DBR1: variants seen among roughly 807,000 people sequenced by gnomAD.
The protein encoded by DBR1 is debranching RNA lariats 1.
In DBR1, 33 loss-of-function variants were observed where a neutral mutation model predicts 45.9. The observed-to-expected ratio is 0.72, with a 90% CI of 0.55 to 0.96. The LOEUF (loss-of-function observed/expected upper bound fraction) is 0.96. Ranked by LOEUF, DBR1 falls within the 40% of genes least tolerant of loss-of-function variation. The pLI is 0.00. For synonymous variants in DBR1, 235 were observed against 235.9 expected, an observed-to-expected ratio of 1.00 and a Z score of 0.04; for missense variants, 619 against 667.4, an observed-to-expected ratio of 0.93 and a Z score of 0.80.
rs772970047 is a variant in DBR1, at chr3:138,171,690, G to A, written c.346C>T (p.Arg116Ter). ...YLGLAGVVKYRGVRIGGISGI... is the reference protein window; with the variant it reads ...YLGLAGVVKY ...GAGATTCCACCGATCCTTACACCTC[G>A]GTATTTTACCACACCAGCCAAACCT... Residue 116 changes from arginine (R) to a stop codon, truncating the protein, a stop_gained, in exon 3 of 8, where the codon CGA (arginine) becomes TGA (stop). Coordinates refer to ENST00000260803, the MANE Select transcript of DBR1 (RefSeq NM_016216.4). LOFTEE classifies it high-confidence loss of function. 2.5e-6 allele frequency: 4 copies of A among 1,613,146 alleles called. No homozygotes were observed. The highest frequency in any genetic ancestry group is 1.7e-5 in the Admixed American group (1 of 59,942).
At position 138,167,116 on chromosome 3, in the gene DBR1, G is replaced by C; in HGVS notation, c.679C>G (p.Leu227Val). 6.2e-7 allele frequency: 1 copy of C among 1,614,146 alleles called. No homozygotes were observed. The highest frequency in any genetic ancestry group is 8.5e-7 in the Non-Finnish European group (1 of 1,180,036). The change falls in exon 5 of 8, where the codon CTT becomes GTT. Residue 227 changes from leucine (L) to valine (V), a missense_variant. Leu to Val is a conservative substitution (Grantham distance 32). Around this residue, in one of 3 missense-constraint regions of DBR1, gnomAD observed 430 missense variants for 447.7 expected, o/e 0.96. Coordinates refer to ENST00000260803, the MANE Select transcript of DBR1 (RefSeq NM_016216.4). ...ATCAAGGCGGCAAACTTCACATGAA[G>C]GTGGGCAGAAAACCAATAAGTAGGT... ...LKPTYWFSAH[L>V]HVKFAALMQH...
Position 138,161,190 on chromosome 3 carries a change from T to C in DBR1, c.*699A>G, listed in dbSNP as rs1301012518. 6.6e-6 allele frequency: 1 copy of C among 152,222 alleles called. No homozygotes were observed. The highest frequency in any genetic ancestry group is 1.9e-4 in the East Asian group (1 of 5,206). 9.4% of individuals were successfully genotyped at this position (152,222 alleles called of 1,614,324 possible). A position where few individuals can be genotyped will look rare whatever the true frequency, so the allele number is the denominator to read the frequency against. On this transcript the variant is annotated 3_prime_UTR_variant, in exon 8 of 8. Coordinates refer to ENST00000260803, the MANE Select transcript of DBR1 (RefSeq NM_016216.4). ...AAAACAAAATATAATATAGCCATAT[T>C]GTATACATCAAAATGTTTACAGTGA... is the stretch of plus-strand genomic sequence containing the variant.
chr3:138,167,377 C>G, intron 4 of DBR1, 72 bp from the exon 5 acceptor site: 1 of 997,588 alleles, frequency 1.0e-6, no homozygotes, highest in South Asian at 1.5e-5. Context: ...CCTCCCTTCT[C>G]TCTACCACCA....
Position 138,171,475 on chromosome 3 carries a change from CAAA to C in DBR1, c.403+155_403+157del, listed in dbSNP as rs906867666. On this transcript the variant is annotated intron_variant, in intron 3 of 7. Coordinates refer to ENST00000260803, the MANE Select transcript of DBR1 (RefSeq NM_016216.4). ...GGACACCAAGAACGAAACTCTGTCT[CAAA>C]AAAAAAAAAAAAAAAAAAAAAAGCA... 4,705 of 67,774 alleles carry C rather than the reference CAAA, an allele frequency of 0.069. 2 individuals carry two copies. The highest frequency in any genetic ancestry group is 0.14 in the African/African-American group (762 of 5,482). 4.2% of individuals were successfully genotyped at this position (67,774 alleles called of 1,614,324 possible).
At chr3:138,169,519 T>C (rs1330661964) in intron 4 of DBR1, among the ~76,000 whole-genome samples, 1 of 152,248 alleles carries the variant, frequency 6.6e-6, no homozygotes, top group Non-Finnish European at 1.5e-5. Context: ...AAAATATCAC[T>C]TTAACATTTT....
Position 138,162,329 on chromosome 3 carries a change from G to T in DBR1, c.1195C>A (p.Gln399Lys). The change falls in exon 8 of 8, where the codon CAG becomes AAG. Residue 399 changes from glutamine to lysine, a missense_variant. Gln to Lys is a moderately conservative substitution (Grantham distance 53). Transcript: ENST00000260803. The stretch of plus-strand genomic sequence containing the variant: ...GAGTCATTACTCTCCACATCATCCT[G>T]TTCTTCATATTCACCACACACATGA... ...EHHVCGEYEE[Q>K]DDVESNDSGE... is the part of the protein sequence containing the mutation. 1.2e-6 allele frequency: 2 copies of T among 1,614,118 alleles called. No individual in the cohort carries two copies. Among genetic ancestry groups the T allele is most frequent in the Non-Finnish European group, 1.7e-6 (2 of 1,180,022 alleles).
chr3:138,169,183 T>G (rs760822685), intron 4 of DBR1, among the ~76,000 whole-genome samples: 1 of 152,228 alleles, frequency 6.6e-6, no homozygotes, highest in Non-Finnish European at 1.5e-5. Context: ...CACTAAACTT[T>G]GGGAAGTCCT....
Position 138,161,366 on chromosome 3 carries a change from G to A in DBR1, c.*523C>T, listed in dbSNP as rs1401822404. 1 of 153,150 alleles carries A rather than the reference G, an allele frequency of 6.5e-6. No individual in the cohort carries two copies. The highest frequency in any genetic ancestry group is 1.5e-5 in the Non-Finnish European group (1 of 68,800). The allele number at this position is 153,150 out of a possible 1,614,324, so 9.5% of individuals were successfully genotyped here. On this transcript the variant is annotated 3_prime_UTR_variant, in exon 8 of 8. Transcript: ENST00000260803. ...ATGTCTTCAAAAAAAAAGATACCCA[G>A]TCAAGTAAATATATGAAACTTTAAT...
intron 3 of DBR1, chr3:138,171,271 G>A (rs187187968): frequency 2.2e-3 from 346 of 157,506 alleles, no homozygotes; most frequent in Middle Eastern, 6.3e-3. Context: ...TCAGGTATTC[G>A]AGACTAGCCT....
Position 138,162,261 on chromosome 3 carries a change from C to G in DBR1, c.1263G>C (p.Leu421=). ...TTATTTCATCTGGATTAATAGAAGA[C>G]AGAGCAGATGTGTCTGTATTATATT... ...QSEYNTDTSA[L]SSINPDEIML... Residue 421 remains leucine (L), a synonymous_variant, in exon 8 of 8, where the codon CTG becomes CTC. Coordinates refer to ENST00000260803, the MANE Select transcript of DBR1 (RefSeq NM_016216.4). 1 of 1,614,174 alleles carries G rather than the reference C, an allele frequency of 6.2e-7. No individual in the cohort carries two copies. The highest frequency in any genetic ancestry group is 8.5e-7 in the Non-Finnish European group (1 of 1,180,006).
Position 138,173,497 on chromosome 3 carries a change from C to T in DBR1, c.322+5G>A. The T allele has an allele frequency of 6.2e-7, 1 of 1,613,494 alleles. No individual in the cohort carries two copies. The highest frequency in any genetic ancestry group is 1.1e-5 in the South Asian group (1 of 91,026). On this transcript the variant is annotated splice_donor_5th_base_variant and intron_variant, in intron 2 of 7. Coordinates refer to ENST00000260803, the MANE Select transcript of DBR1 (RefSeq NM_016216.4). Reference sequence around the variant, plus strand: ...AAAAAAGTATCCACAAACACAATCACATACCTAAATAATAAATGTTTGGTG... The same window carrying T: ...AAAAAAGTATCCACAAACACAATCATATACCTAAATAATAAATGTTTGGTG...
intron 4 of DBR1, among the ~76,000 whole-genome samples, chr3:138,167,673 C>T (rs528378461): frequency 2.0e-5 from 3 of 152,282 alleles, no homozygotes; most frequent in Admixed American, 6.5e-5. Flanking sequence ...GGGCCGGGCG[C>T]GGTGGCTCAC....
At chr3:138,163,183 C>T (rs1041194583) in intron 7 of DBR1, among the ~76,000 whole-genome samples, 166 bp downstream of exon 7, 8 of 152,046 alleles carry the variant, frequency 5.3e-5, no homozygotes, top group Non-Finnish European at 1.2e-4. Flanking sequence ...TCCCTTTAGC[C>T]CAGGAGGCAG....
At chr3:138,169,766 T>G (rs2042946229) in intron 4 of DBR1, among the ~76,000 whole-genome samples, 1 of 152,044 alleles carries the variant, frequency 6.6e-6, no homozygotes, top group African/African-American at 2.4e-5. Flanking sequence ...ACCCCATCCC[T>G]ACTACAAATA....
chr3:138,173,762 C>T (rs2042965877), intron 1 of DBR1, 136 bp from the exon 2 acceptor site: 3 of 919,756 alleles, frequency 3.3e-6, no homozygotes, highest in African/African-American at 1.7e-5. Flanking sequence ...TGGGGCTGGG[C>T]GCGGTGGCTC....
intron 4 of DBR1, among the ~76,000 whole-genome samples, chr3:138,168,492 C>T (rs2042940442): frequency 6.8e-6 from 1 of 148,102 alleles, no homozygotes; most frequent in Admixed American, 6.8e-5. Flanking sequence ...TGCACTCCAG[C>T]TTGGGCAACA....
intron 5 of DBR1, 55 bp downstream of exon 5, chr3:138,167,026 C>T: frequency 6.7e-7 from 1 of 1,481,678 alleles, no homozygotes; most frequent in Non-Finnish European, 9.4e-7. Context: ...TGTGTCTGGT[C>T]CATAGATGTT....
rs775456551 is a variant in DBR1 at position 138,162,479 on chromosome 3, C to A, written c.1045G>T (p.Asp349Tyr). 1.9e-6 allele frequency: 3 copies of A among 1,614,120 alleles called. No homozygotes were observed. Among genetic ancestry groups the A allele is most frequent in the Admixed American group, 1.7e-5 (1 of 60,028 alleles). Residue 349 changes from aspartate (D) to tyrosine (Y), a missense_variant, in exon 8 of 8, where the codon GAT (aspartate) becomes TAT (tyrosine). By Grantham distance (160) the Asp-to-Tyr change is radical (BLOSUM62 -3). Transcript: ENST00000260803. ...ATTTGTGTCTGTGGCTTGCTAGGAT[C>A]ATAACAAGCAGCTGTTACACTAAAG... The part of the protein sequence containing the change: ...CNFSVTAACY[D>Y]PSKPQTQMQL...
At chr3:138,163,740 A>T in intron 6 of DBR1, 38 bp downstream of exon 6, 1 of 1,425,158 alleles carries the variant, frequency 7.0e-7, no homozygotes, top group Non-Finnish European at 9.6e-7. Context: ...TCTCTGGAAG[A>T]GTACAACTAT....
Sources: allele counts gnomAD v4.1 joint callset (sites outside exome capture counted in the v4.1 genomes callset), GRCh38; gene constraint gnomAD v4.1.1; regional missense constraint gnomAD v4.1.1; transcripts MANE v1.5; gene names NCBI Gene and HGNC (gene_info 2026-07-23, HGNC 2026-07-21).